BPIFB1: variants seen among roughly 807,000 people sequenced by gnomAD.
The protein encoded by BPIFB1 is BPI fold-containing family B member 1.
BPIFB1 carries 34 observed loss-of-function variants against 55.1 expected under a neutral mutation model. The ratio of observed to expected loss-of-function variants is 0.62; its 90% CI spans 0.47 to 0.82. BPIFB1 has a LOEUF of 0.82. BPIFB1 is among the 40% of genes least tolerant of loss of function. BPIFB1 has a pLI of 0.00. For synonymous variants in BPIFB1, 236 were observed against 245.3 expected, an observed-to-expected ratio of 0.96 and a Z score of 0.35; for missense variants, 532 against 593.1, an observed-to-expected ratio of 0.90 and a Z score of 1.07.
intron 14 of BPIFB1, 55 bp from the exon 15 acceptor site, chr20:33,306,855 TG>T: frequency 6.7e-7 from 1 of 1,484,434 alleles, no homozygotes; most frequent in Non-Finnish European, 9.4e-7. Flanking sequence ...AGCCTGCCCC[TG>T]GCTGCCCAGT....
At position 33,307,148 on chromosome 20, in the gene BPIFB1, G is replaced by T; in HGVS notation, c.1395+161G>T. 9.4e-6 allele frequency: 6 copies of T among 638,488 alleles called. No homozygotes were observed. In the East Asian group the frequency reaches 1.4e-4, roughly 15 times the overall value. 39.6% of individuals were successfully genotyped at this position (638,488 alleles called of 1,614,324 possible). On this transcript the variant is annotated intron_variant, in intron 15 of 15. Coordinates refer to ENST00000253354, the MANE Select transcript of BPIFB1 (RefSeq NM_033197.3). Reference sequence around the variant, plus strand: ...CACCTCCTCATCTGCAAGTGAGAAGGTTGGCTGTGCTGAGGATGGAACCCT... The same window carrying T: ...CACCTCCTCATCTGCAAGTGAGAAGTTTGGCTGTGCTGAGGATGGAACCCT...
At chr20:33,297,766 G>A (rs915836301) in intron 7 of BPIFB1, 178 bp downstream of exon 7, 5 of 664,802 alleles carry the variant, frequency 7.5e-6, no homozygotes, top group African/African-American at 5.4e-5. Flanking sequence ...AATTCGCCAC[G>A]ACTAGGACTT....
intron 13 of BPIFB1, 112 bp from the exon 14 acceptor site, chr20:33,305,890 T>C: frequency 8.3e-7 from 1 of 1,211,974 alleles, no homozygotes; most frequent in Non-Finnish European, 1.2e-6. Context: ...CTGGAATTCC[T>C]ACATCTCCAC....
chr20:33,300,039 C>T, intron 8 of BPIFB1, 55 bp downstream of exon 8: 5 of 1,476,208 alleles, frequency 3.4e-6, no homozygotes, highest in Non-Finnish European at 3.8e-6. Context: ...CCTTCTCTGA[C>T]CACCAGGAGT....
Position 33,302,369 on chromosome 20 carries a change from G to T in BPIFB1, c.938G>T (p.Ser313Ile), listed in dbSNP as rs6120222. 32,346 of 1,613,796 alleles carry T rather than the reference G, an allele frequency of 0.02. 5,241 individuals are homozygous for T. The African/African-American group carries it at 0.36, about 18-fold the overall frequency. The change falls in exon 10 of 16, where the codon AGT becomes ATT. Residue 313 changes from serine (S) to isoleucine (I), a missense_variant. By Grantham distance (142) the Ser-to-Ile change is moderately radical. Transcript: ENST00000253354. ...MVLLDSVLPESAHRLKSSIGL... is the reference protein window; with the variant it reads ...MVLLDSVLPEIAHRLKSSIGL... ...TCCTCTCACCCTCAGCTTCCTGAGA[G>T]TGCCCATCGGCTGAAGTCAAGCATC...
intron 7 of BPIFB1, 98 bp downstream of exon 7, chr20:33,297,686 A>G (rs1300916337): frequency 1.6e-6 from 2 of 1,260,376 alleles, no homozygotes; most frequent in Admixed American, 3.4e-5. Context: ...GTCAGGCCTG[A>G]GCTGCAACTC....
chr20:33,298,529 G>A (rs1260636858), intron 7 of BPIFB1, among the ~76,000 whole-genome samples: 6 of 150,810 alleles, frequency 4.0e-5, no homozygotes, highest in Admixed American at 3.9e-4. Context: ...CATCTGCCAT[G>A]GGCCACGCCC....
In BPIFB1 at chr20:33,291,917, C is replaced by T; in HGVS notation, c.526C>T (p.Leu176=). Reference sequence around the variant, plus strand: ...TCTCTTCCCTGAAAGGCTCTCCTTCCTGGTGAACGCCTTAGCTAAGCAGGT... The same window carrying T: ...TCTCTTCCCTGAAAGGCTCTCCTTCTTGGTGAACGCCTTAGCTAAGCAGGT... The part of the protein sequence containing the change: ...RIQLLHKLSF[L]VNALAKQVMN... Residue 176 remains leucine, a synonymous_variant, in exon 6 of 16, where the codon CTG becomes TTG. Coordinates refer to ENST00000253354, the MANE Select transcript of BPIFB1 (RefSeq NM_033197.3). 5 of 1,614,194 alleles carry T rather than the reference C, an allele frequency of 3.1e-6. No individual in the cohort carries two copies. The East Asian group carries it at 1.1e-4, about 36-fold the overall frequency.
rs1980443927 is a variant in BPIFB1, at chr20:33,290,900, G to T, written c.366-57G>T. 3.8e-6 allele frequency: 6 copies of T among 1,587,310 alleles called. No homozygotes were observed. In the South Asian group the frequency reaches 5.6e-5, roughly 15 times the overall value. ...CTGGAAGACAGAGACGGACGGCAGG[G>T]TTGCTCCAGCCCGAGCTTGCCTGGT... On this transcript the variant is annotated intron_variant, in intron 4 of 15. Coordinates refer to ENST00000253354, the MANE Select transcript of BPIFB1 (RefSeq NM_033197.3).
intron 7 of BPIFB1, chr20:33,299,117 G>T (rs1228202144): frequency 2.2e-6 from 1 of 456,534 alleles, no homozygotes; most frequent in Admixed American, 2.3e-5. Flanking sequence ...TTAAGACGAG[G>T]AAACAGATTC....
intron 2 of BPIFB1, among the ~76,000 whole-genome samples, chr20:33,288,150 G>C (rs983986135): frequency 6.6e-6 from 1 of 152,172 alleles, no homozygotes. Flanking sequence ...TGGGGCATCA[G>C]CTCTCCAGCA....
chr20:33,303,946 C>T lies in BPIFB1; in HGVS notation c.1141-12C>T. The stretch of plus-strand genomic sequence containing the variant: ...CTTGAGAACAATGGGGCCTGGGCTT[C>T]TCTTGTTGCAGGAAGCCAGCTCGGA... On this transcript the variant is annotated splice_polypyrimidine_tract_variant and intron_variant, in intron 11 of 15. Coordinates refer to ENST00000253354, the MANE Select transcript of BPIFB1 (RefSeq NM_033197.3). The T allele has an allele frequency of 6.2e-7, 1 of 1,613,944 alleles. No individual in the cohort carries two copies. The highest frequency in any genetic ancestry group is 1.1e-5 in the South Asian group (1 of 91,032).
Position 33,303,045 on chromosome 20 carries a change from G to A in BPIFB1, c.1111G>A (p.Ala371Thr), listed in dbSNP as rs754270912. 6.2e-7 allele frequency: 1 copy of A among 1,614,026 alleles called. No homozygotes were observed. The highest frequency in any genetic ancestry group is 1.7e-5 in the Admixed American group (1 of 60,030). The change falls in exon 11 of 16, where the codon GCC becomes ACC. Residue 371 changes from alanine to threonine, a missense_variant. Transcript: ENST00000253354. ...GCTGGAAGTGTTTCCCTCCAGTGAA[G>A]CCCTCCGCCCTTTGTTCACCCTGGG... Reference protein sequence around the residue: ...IVLEVFPSSEALRPLFTLGIE... With the variant: ...IVLEVFPSSETLRPLFTLGIE...
intron 11 of BPIFB1, 44 bp from the exon 12 acceptor site, chr20:33,303,914 G>C (rs993575722): frequency 6.2e-7 from 1 of 1,602,858 alleles, no homozygotes; most frequent in South Asian, 1.1e-5. Flanking sequence ...TTCCACACTC[G>C]GATCCTCTTG....
At chr20:33,301,939 G>T (rs925789770) in intron 9 of BPIFB1, among the ~76,000 whole-genome samples, 1 of 152,160 alleles carries the variant, frequency 6.6e-6, no homozygotes, top group Non-Finnish European at 1.5e-5. Context: ...GTCCAGAGGG[G>T]GAAAGGGTTG....
intron 12 of BPIFB1, among the ~76,000 whole-genome samples, chr20:33,304,413 G>C (rs760867015): frequency 6.6e-6 from 1 of 152,198 alleles, no homozygotes; most frequent in Non-Finnish European, 1.5e-5. Context: ...AGCCTCTGGG[G>C]ACAAGTCAGG....
chr20:33,308,846 CACACACCACACACAT>C (rs1434746905), intron 15 of BPIFB1, among the ~76,000 whole-genome samples: 3 of 149,786 alleles, frequency 2.0e-5, no homozygotes, highest in Non-Finnish European at 4.5e-5. Context: ...ACACATAATA[CACACACCACACACAT>C]ACACACTACA....
In BPIFB1 at chr20:33,302,354, C is replaced by G. The variant is rs747571975; in HGVS notation, c.928-5C>G. On this transcript the variant is annotated splice_polypyrimidine_tract_variant and splice_region_variant and intron_variant, in intron 9 of 15. Transcript: ENST00000253354. ...CTGACCTTCTCTGGCTCCTCTCACC[C>G]TCAGCTTCCTGAGAGTGCCCATCGG... The G allele has an allele frequency of 2.5e-6, 4 of 1,613,868 alleles. No individual in the cohort carries two copies. The South Asian group carries it at 3.3e-5, about 13-fold the overall frequency.
At position 33,303,994 on chromosome 20, in the gene BPIFB1, G is replaced by T; in HGVS notation, c.1177G>T (p.Asp393Tyr). ...GGAAGCTCAGTTTTACACCAAAGGT[G>T]ACCAACTTATACTCAACTTGAATAA... The part of the protein sequence containing the change: ...SSEAQFYTKG[D>Y]QLILNLNNIS... Residue 393 changes from aspartate (D) to tyrosine (Y), a missense_variant, in exon 12 of 16, where the codon GAC becomes TAC. Transcript: ENST00000253354. 1 of 1,613,726 alleles carries T rather than the reference G, an allele frequency of 6.2e-7. No individual in the cohort carries two copies. Among genetic ancestry groups the T allele is most frequent in the Non-Finnish European group, 8.5e-7 (1 of 1,179,930 alleles).
Sources: allele counts gnomAD v4.1 joint callset (sites outside exome capture counted in the v4.1 genomes callset), GRCh38; gene constraint gnomAD v4.1.1; transcripts MANE v1.5; gene names NCBI Gene and HGNC (gene_info 2026-07-23, HGNC 2026-07-21).